BBOX1: variants seen among roughly 807,000 people sequenced by gnomAD.
BBOX1 encodes gamma-butyrobetaine dioxygenase.
Under a neutral mutation model 41.6 loss-of-function variants are expected in BBOX1, and 35 were observed. The ratio of observed to expected loss-of-function variants is 0.84; its 90% CI spans 0.64 to 1.11. The LOEUF is 1.11. Among genes scored for constraint, BBOX1 ranks in the 50% most tolerant of loss-of-function variants. The pLI is 0.00. For missense variants in BBOX1, 458 were observed against 460.6 expected (o/e 0.99, Z 0.05); for synonymous variants, 163 against 154.7 (o/e 1.05, Z -0.40).
At chr11:27,089,426 T>C (rs1858158213) in intron 4 of BBOX1, among the ~76,000 whole-genome samples, 1 of 151,978 alleles carries the variant, frequency 6.6e-6, no homozygotes, top group African/African-American at 2.4e-5. Flanking sequence ...TAAATGCTCA[T>C]ATATAAATTA....
chr11:27,045,424 T>C (rs979604976), intron 2 of BBOX1, among the ~76,000 whole-genome samples: 4 of 152,174 alleles, frequency 2.6e-5, no homozygotes, highest in East Asian at 1.9e-4. Flanking sequence ...GCTTTATTTC[T>C]TTCTCTTGAC....
intron 5 of BBOX1, among the ~76,000 whole-genome samples, chr11:27,105,744 C>T (rs1219807959): frequency 6.6e-6 from 1 of 152,000 alleles, no homozygotes; most frequent in Admixed American, 6.6e-5. Flanking sequence ...TAGAGAACAC[C>T]ACAAAGATAC....
intron 4 of BBOX1, among the ~76,000 whole-genome samples, chr11:27,067,584 G>A (rs1392390253): frequency 6.6e-6 from 1 of 151,876 alleles, no homozygotes; most frequent in Non-Finnish European, 1.5e-5. Flanking sequence ...ACAGAAATTA[G>A]CCAGGCGTGG....
chr11:27,108,953 C>T (rs1030125727), intron 5 of BBOX1, among the ~76,000 whole-genome samples: 32 of 152,012 alleles, frequency 2.1e-4, no homozygotes, highest in Non-Finnish European at 7.4e-5. Flanking sequence ...AAAAGTCACC[C>T]CTTCCCTGTT....
intron 5 of BBOX1, among the ~76,000 whole-genome samples, chr11:27,108,079 C>T (rs1013894978): frequency 6.6e-6 from 1 of 152,048 alleles, no homozygotes; most frequent in African/African-American, 2.4e-5. Context: ...CTACACATCC[C>T]ATACTGTGCC....
At chr11:27,101,660 T>A (rs1387969192) in intron 5 of BBOX1, among the ~76,000 whole-genome samples, 3 of 152,108 alleles carry the variant, frequency 2.0e-5, no homozygotes, top group Admixed American at 2.0e-4. Flanking sequence ...ATTATTAACC[T>A]TTAAAAATAA....
chr11:27,087,310 C>T (rs551230166), intron 4 of BBOX1, among the ~76,000 whole-genome samples: 238 of 152,064 alleles, frequency 1.6e-3, no homozygotes, highest in African/African-American at 5.3e-3. Flanking sequence ...AAGAAACTGC[C>T]ACAGCCACCC....
Position 27,119,793 on chromosome 11 carries a change from A to G in BBOX1, c.784A>G (p.Ile262Val), listed in dbSNP as rs1278868518. 3.1e-6 allele frequency: 5 copies of G among 1,591,360 alleles called. No individual in the cohort carries two copies. Among genetic ancestry groups the G allele is most frequent in the Admixed American group, 1.8e-5 (1 of 54,644 alleles). Residue 262 changes from isoleucine (I) to valine (V), a missense_variant, in exon 7 of 9, where the codon ATT becomes GTT. Ile to Val is a conservative substitution (Grantham distance 29). Transcript: ENST00000263182. ...LSSTFVDFTD[I>V]GVDYCDFSVQ... ...CTCTACCTTTGTGGACTTTACAGACATTGGAGTGGATTACTGTGATTTTTC... is the reference window on the plus strand; with the variant it reads ...CTCTACCTTTGTGGACTTTACAGACGTTGGAGTGGATTACTGTGATTTTTC...
In BBOX1 at chr11:27,057,063, T is replaced by TAAAAAAAAAAAAAAA. The variant is rs1459422645; in HGVS notation, c.220-138_220-137insAAAAAAAAAAAAAAA. The TAAAAAAAAAAAAAAA allele has an allele frequency of 8.6e-3, 1,282 of 149,262 alleles. 383 individuals are homozygous for TAAAAAAAAAAAAAAA. Among genetic ancestry groups the TAAAAAAAAAAAAAAA allele is most frequent in the African/African-American group, 0.072 (1,104 of 15,428 alleles). 9.2% of individuals were successfully genotyped at this position (149,262 alleles called of 1,614,324 possible). ...CCTGGCAACAGAGGAAGACTCCGAC[T>TAAAAAAAAAAAAAAA]TAAAAAAAAAAAAAAAAAAAAATTA... On this transcript the variant is annotated intron_variant, in intron 3 of 8. Transcript: ENST00000263182.
intron 2 of BBOX1, among the ~76,000 whole-genome samples, chr11:27,045,104 T>G (rs10767593): frequency 6.6e-6 from 1 of 151,978 alleles, no homozygotes; most frequent in Admixed American, 6.6e-5. Context: ...CTTATTTCCT[T>G]GAGCAATGGT....
chr11:27,060,661 A>G (rs1193739055), intron 4 of BBOX1, among the ~76,000 whole-genome samples: 2 of 152,192 alleles, frequency 1.3e-5, no homozygotes, highest in African/African-American at 4.8e-5. Flanking sequence ...GATGTTACTA[A>G]TCAACTTGAA....
chr11:27,078,547 G>A (rs573894868), intron 4 of BBOX1, among the ~76,000 whole-genome samples: 1 of 152,002 alleles, frequency 6.6e-6, no homozygotes, highest in African/African-American at 2.4e-5. Context: ...GGATGAAGCT[G>A]GAAACCATCA....
intron 5 of BBOX1, among the ~76,000 whole-genome samples, chr11:27,098,288 C>G (rs1364947257): frequency 2.0e-5 from 3 of 152,004 alleles, no homozygotes; most frequent in Admixed American, 1.3e-4. Context: ...CTCCCAGCCT[C>G]TGTTCTGTGA....
chr11:27,097,272 A>C (rs962715535), intron 5 of BBOX1, among the ~76,000 whole-genome samples: 25 of 152,096 alleles, frequency 1.6e-4, no homozygotes, highest in African/African-American at 5.5e-4. Context: ...CCCTTTTAGG[A>C]AAGGTGATAT....
chr11:27,093,433 C>A lies in BBOX1; in HGVS notation c.533+67C>A. The A allele has an allele frequency of 7.4e-6, 11 of 1,486,762 alleles. No individual in the cohort carries two copies. In the South Asian group the frequency reaches 1.1e-4, roughly 15 times the overall value. 92.1% of individuals were successfully genotyped at this position (1,486,762 alleles called of 1,614,324 possible). On this transcript the variant is annotated intron_variant, in intron 5 of 8. Coordinates refer to ENST00000263182, the MANE Select transcript of BBOX1 (RefSeq NM_003986.3). ...GTTTGAAATAGTTCCCAACTGAGGA[C>A]GACCGCCTTGATTGAAGATACAGAA...
intron 7 of BBOX1, among the ~76,000 whole-genome samples, chr11:27,122,396 T>C (rs904921830): frequency 1.3e-5 from 2 of 152,098 alleles, no homozygotes; most frequent in Admixed American, 6.5e-5. Flanking sequence ...CCACACATGA[T>C]TGAAGTAGGA....
intron 5 of BBOX1, among the ~76,000 whole-genome samples, chr11:27,095,735 TTTG>T (rs1400127007): frequency 6.6e-6 from 1 of 152,064 alleles, no homozygotes; most frequent in Non-Finnish European, 1.5e-5. Flanking sequence ...TTTTGTTGTT[TTTG>T]TTATTGTTGT....
intron 4 of BBOX1, 62 bp from the exon 5 acceptor site, chr11:27,093,106 G>C: frequency 6.7e-7 from 1 of 1,490,472 alleles, no homozygotes; most frequent in Admixed American, 1.7e-5. Context: ...CTTCTCTGAG[G>C]TTATCGTCTT....
chr11:27,112,246 G>A (rs758459892), intron 5 of BBOX1, among the ~76,000 whole-genome samples: 15 of 151,910 alleles, frequency 9.9e-5, no homozygotes, highest in Non-Finnish European at 1.6e-4. Flanking sequence ...TAATGAGCAA[G>A]TTTAAACACA....
Sources: allele counts gnomAD v4.1 joint callset (sites outside exome capture counted in the v4.1 genomes callset), GRCh38; gene constraint gnomAD v4.1.1; transcripts MANE v1.5; gene names NCBI Gene and HGNC (gene_info 2026-07-23, HGNC 2026-07-21).